GRIA3: variants seen among roughly 807,000 people sequenced by gnomAD.
The protein encoded by GRIA3 is glutamate ionotropic receptor AMPA type subunit 3.
In GRIA3, 3 loss-of-function variants were observed where a neutral mutation model predicts 63.0. That is an observed-to-expected ratio of 0.05 (90% confidence interval 0.02 to 0.12). The LOEUF (loss-of-function observed/expected upper bound fraction) is 0.12. Ranked by LOEUF, GRIA3 falls within the 10% of genes least tolerant of loss-of-function variation. GRIA3 has a pLI of 1.00. For synonymous variants in GRIA3, 274 were observed against 257.9 expected (o/e 1.06, Z -0.60); for missense variants, 347 against 700.9 (o/e 0.50, Z 5.70).
intron 12 of GRIA3, among the ~76,000 whole-genome samples, chrX:123,457,251 T>G (rs1376679920): frequency 4.5e-5 from 5 of 111,199 alleles, no homozygotes; most frequent in African/African-American, 1.3e-4. Flanking sequence ...AATGACCCCT[T>G]GCTCAGGGGT....
At chrX:123,436,840 T>C (rs1432318817) in intron 12 of GRIA3, among the ~76,000 whole-genome samples, 2 of 111,182 alleles carry the variant, frequency 1.8e-5, no homozygotes, top group Non-Finnish European at 3.8e-5. Flanking sequence ...TCAAATCATC[T>C]AATAGCCTTC....
At chrX:123,377,628 T>C (rs5911610) in intron 5 of GRIA3, among the ~76,000 whole-genome samples, 12,124 of 112,023 alleles carry the variant, frequency 0.11, 589 homozygotes, top group Non-Finnish European at 0.15. Flanking sequence ...GCAAGCATTA[T>C]AGAAAAGTGA....
chrX:123,458,080 C>T (rs1243243122), intron 12 of GRIA3, among the ~76,000 whole-genome samples: 2 of 110,776 alleles, frequency 1.8e-5, no homozygotes, highest in Non-Finnish European at 3.8e-5. Flanking sequence ...CCAGGCTGTA[C>T]ATCGTGTCGG....
chrX:123,190,334 T>C (rs1927396723), intron 2 of GRIA3, among the ~76,000 whole-genome samples: 1 of 111,709 alleles, frequency 9.0e-6, no homozygotes, highest in Admixed American at 9.6e-5. Context: ...CTTAGCTCAC[T>C]TCTCGGCCCC....
intron 3 of GRIA3, among the ~76,000 whole-genome samples, chrX:123,319,848 T>A (rs1359452181): frequency 9.2e-6 from 1 of 108,402 alleles, no homozygotes; most frequent in African/African-American, 3.3e-5. Context: ...TGCTTTAATA[T>A]GCCACATTTG....
chrX:123,244,581 T>G lies in GRIA3; in HGVS notation c.269-8722T>G, dbSNP rs773265073. Among the ~76,000 whole-genome samples, 31 of 112,784 alleles carry G rather than the reference T, an allele frequency of 2.7e-4. 1 individual carries two copies. Among genetic ancestry groups the G allele is most frequent in the Non-Finnish European group, 9.4e-5 (5 of 53,378 alleles). On this transcript the variant is annotated intron_variant, in intron 2 of 15. Coordinates refer to ENST00000620443, the MANE Select transcript of GRIA3 (RefSeq NM_007325.5). ...CATTTTCATTGGATTAAGGTTTTGC[T>G]CTTTGTAAGGAGGAATTCATAAGGT... is the stretch of plus-strand genomic sequence containing the variant.
intron 3 of GRIA3, among the ~76,000 whole-genome samples, chrX:123,291,454 TG>T (rs2044655231): frequency 9.0e-6 from 1 of 110,774 alleles, no homozygotes. Flanking sequence ...GAAAAACTGT[TG>T]GGTGCTATGC....
chrX:123,195,912 A>T (rs1603019079), intron 2 of GRIA3, among the ~76,000 whole-genome samples: 1 of 109,740 alleles, frequency 9.1e-6, no homozygotes. Flanking sequence ...ATGTACATAC[A>T]CTCTATATCT....
chrX:123,314,401 G>T (rs2044818348), intron 3 of GRIA3, among the ~76,000 whole-genome samples: 1 of 111,895 alleles, frequency 8.9e-6, no homozygotes, highest in South Asian at 3.8e-4. Flanking sequence ...GAAACATGAA[G>T]GAACTACACA....
intron 12 of GRIA3, among the ~76,000 whole-genome samples, chrX:123,439,183 A>G (rs2045660441): frequency 8.9e-6 from 1 of 112,340 alleles, no homozygotes; most frequent in Non-Finnish European, 1.9e-5. Flanking sequence ...CTGGTGCCTC[A>G]GCAGGATTGC....
intron 13 of GRIA3, among the ~76,000 whole-genome samples, chrX:123,474,707 A>T (rs186993800): frequency 0.018 from 1,981 of 109,195 alleles, 20 homozygotes; most frequent in Middle Eastern, 0.061. Context: ...ATAAAAATTT[A>T]AAAAAAAAAT....
intron 2 of GRIA3, among the ~76,000 whole-genome samples, chrX:123,251,475 G>T (rs1233127556): frequency 9.0e-6 from 1 of 110,894 alleles, no homozygotes; most frequent in Admixed American, 9.5e-5. Context: ...TCTGTCGGTC[G>T]CCCAGGCTGG....
rs944162998 is a variant in GRIA3 at position 123,184,340 on chromosome X, G to C, written c.-196G>C. 6.5e-6 allele frequency: 3 copies of C among 462,555 alleles called. No individual in the cohort carries two copies. Among genetic ancestry groups the C allele is most frequent in the Admixed American group, 3.4e-5 (1 of 29,770 alleles). The allele number at this position is 462,555 out of a possible 1,213,427, so 38.1% of individuals were successfully genotyped here. A position where few individuals can be genotyped will look rare whatever the true frequency, so the allele number is the denominator to read the frequency against. On this transcript the variant is annotated 5_prime_UTR_variant, in exon 1 of 16. Transcript: ENST00000620443. Reference sequence around the variant, plus strand: ...AATAAGAGAGAGAGTAAGAGGGAGAGAGAAGAAGAGGAAGAAGAGGAGGCG... The same window carrying C: ...AATAAGAGAGAGAGTAAGAGGGAGACAGAAGAAGAGGAAGAAGAGGAGGCG...
Position 123,208,732 on chromosome X carries a change from A to G in GRIA3, c.268+22742A>G, listed in dbSNP as rs1927961168. On this transcript the variant is annotated intron_variant, in intron 2 of 15. Transcript: ENST00000620443. ...AGAGATGGACTCCCTTTCTCCAAAC[A>G]CAGCTAGTCTAAGTAGTGGGACATG... 2.7e-5 allele frequency among the ~76,000 whole-genome samples: 3 copies of G among 111,897 alleles called. No individual in the cohort carries two copies. In the Admixed American group the frequency reaches 2.8e-4, roughly 11 times the overall value.
At chrX:123,460,253 T>G (rs767818354) in intron 12 of GRIA3, among the ~76,000 whole-genome samples, 3 of 111,999 alleles carry the variant, frequency 2.7e-5, no homozygotes, top group South Asian at 7.5e-4. Flanking sequence ...GCCCTTGGCT[T>G]ATAAATTTAT....
At chrX:123,397,610 T>G (rs1456843125) in intron 6 of GRIA3, among the ~76,000 whole-genome samples, 2 of 112,156 alleles carry the variant, frequency 1.8e-5, no homozygotes, top group Non-Finnish European at 3.8e-5. Context: ...CAGTCACACT[T>G]GATGATTTGC....
At chrX:123,185,281 A>G (rs1927231942) in intron 1 of GRIA3, among the ~76,000 whole-genome samples, 2 of 111,311 alleles carry the variant, frequency 1.8e-5, no homozygotes, top group South Asian at 7.7e-4. Context: ...GTCTGTCTGG[A>G]GCCCGGCTCC....
At chrX:123,297,589 C>T (rs1308476569) in intron 3 of GRIA3, among the ~76,000 whole-genome samples, 2 of 111,701 alleles carry the variant, frequency 1.8e-5, no homozygotes, top group East Asian at 2.8e-4. Flanking sequence ...CATTTATCAT[C>T]CCATTTAATC....
chrX:123,482,629 C>A, intron 14 of GRIA3, 170 bp from the exon 15 acceptor site: 1 of 539,285 alleles, frequency 1.9e-6, no homozygotes, highest in Non-Finnish European at 3.2e-6. Flanking sequence ...AATCTACCGT[C>A]TTGCTGGTCA....
Sources: gnomAD v4.1 joint callset for allele counts (sites outside exome capture counted in the v4.1 genomes callset) on GRCh38, gnomAD v4.1.1 for gene constraint, MANE v1.5 for transcripts, NCBI Gene and HGNC (gene_info 2026-07-23, HGNC 2026-07-21) for gene names.